Variants in ODAD3 observed in about 807,000 individuals in gnomAD.
ODAD3 encodes outer dynein arm-docking complex subunit 3.
ODAD3 carries 57 observed loss-of-function variants against 70.9 expected under a neutral mutation model. The ratio of observed to expected loss-of-function variants is 0.80; its 90% CI spans 0.65 to 1.00. The LOEUF (loss-of-function observed/expected upper bound fraction) is 1.00. ODAD3 is among the 50% of genes least tolerant of loss of function. The pLI is 0.00. For missense variants in ODAD3, 797 were observed against 763.9 expected, an observed-to-expected ratio of 1.04 and a Z score of -0.51; for synonymous variants, 327 against 315.9, an observed-to-expected ratio of 1.04 and a Z score of -0.37.
At chr19:11,425,486 TATA>T in intron 7 of ODAD3, among the ~76,000 whole-genome samples, 1 of 142,748 alleles carries the variant, frequency 7.0e-6, no homozygotes, top group Non-Finnish European at 1.5e-5. Flanking sequence ...TATGTGTGTA[TATA>T]TGTATATATG....
intron 3 of ODAD3, among the ~76,000 whole-genome samples, chr19:11,427,301 T>TA (rs1386124785): frequency 7.0e-6 from 1 of 141,952 alleles, no homozygotes; most frequent in Admixed American, 7.1e-5. Context: ...CTTTCTTTCG[T>TA]TTTTTTTTTT....
At chr19:11,431,198 G>A (rs559687665) in intron 1 of ODAD3, 178 bp from the exon 2 acceptor site, 13 of 705,494 alleles carry the variant, frequency 1.8e-5, no homozygotes, top group Admixed American at 1.5e-4. Context: ...CACAGCCTCC[G>A]CCTCCCGGGT....
At chr19:11,423,465 C>T (rs552181570) in intron 8 of ODAD3, among the ~76,000 whole-genome samples, 1 of 152,158 alleles carries the variant, frequency 6.6e-6, no homozygotes, top group African/African-American at 2.4e-5. Context: ...CAGTGAGGGA[C>T]CCGGCGCAGG....
intron 7 of ODAD3, among the ~76,000 whole-genome samples, chr19:11,424,680 T>C (rs1358016733): frequency 4.5e-4 from 30 of 66,554 alleles, no homozygotes; most frequent in Non-Finnish European, 4.4e-4. Context: ...TATGTGTATA[T>C]ATACCTATGT....
Position 11,430,720 on chromosome 19 carries a change from G to C in ODAD3, c.423C>G (p.Tyr141Ter). 3 of 1,614,048 alleles carry C rather than the reference G, an allele frequency of 1.9e-6. No homozygotes were observed. The highest frequency in any genetic ancestry group is 2.5e-6 in the Non-Finnish European group (3 of 1,180,008). Reference sequence around the variant, plus strand: ...AAACCTGTCCTGTCCTGTTCTTCAGGTATGGCTTCTCCCACTTCCATTCGC... The same window carrying C: ...AAACCTGTCCTGTCCTGTTCTTCAGCTATGGCTTCTCCCACTTCCATTCGC... ...VIREWKWEKP[Y>*]LKNRTGQALE... Residue 141 changes from tyrosine to a stop codon, truncating the protein, a stop_gained, in exon 3 of 13, where the codon TAC becomes TAG. Transcript: ENST00000356392. LOFTEE classifies it high-confidence loss of function.
At chr19:11,425,525 ATG>A (rs1225906720) in intron 7 of ODAD3, among the ~76,000 whole-genome samples, 4 of 144,532 alleles carry the variant, frequency 2.8e-5, no homozygotes, top group South Asian at 2.1e-4. Context: ...ATATGTATAT[ATG>A]TATATATGTG....
chr19:11,429,838 T>G (rs962189322), intron 3 of ODAD3, among the ~76,000 whole-genome samples: 3 of 124,446 alleles, frequency 2.4e-5, no homozygotes, highest in African/African-American at 1.1e-4. Context: ...GCGCCCAGCC[T>G]TTTTTTTTTT....
intron 7 of ODAD3, among the ~76,000 whole-genome samples, chr19:11,425,467 ATATGTATATATGTGTGTATATATGTAT>A (rs1969328091): frequency 7.1e-6 from 1 of 141,810 alleles, no homozygotes; most frequent in African/African-American, 2.7e-5. Flanking sequence ...GTGTGTGTAT[ATATGTATATATGTGTGTATATATGTAT>A]ATATGTATAT....
intron 12 of ODAD3, 36 bp from the exon 13 acceptor site, chr19:11,420,983 G>A (rs1171126883): frequency 6.2e-7 from 1 of 1,600,310 alleles, no homozygotes; most frequent in South Asian, 1.1e-5. Context: ...GGAGCGATGT[G>A]GGATCCAGGT....
intron 3 of ODAD3, among the ~76,000 whole-genome samples, chr19:11,430,124 T>C (rs554625115): frequency 6.6e-6 from 1 of 152,172 alleles, no homozygotes; most frequent in Non-Finnish European, 1.5e-5. Context: ...TGTTTTATTT[T>C]TTTTAATTAT....
Position 11,426,464 on chromosome 19 carries a change from A to G in ODAD3, c.822T>C (p.Asn274=). Residue 274 remains asparagine, a synonymous_variant, in exon 6 of 13, where the codon AAT becomes AAC. Coordinates refer to ENST00000356392, the MANE Select transcript of ODAD3 (RefSeq NM_145045.5). ...GTGGCACCTTGGCAATGTCCCGGGC[A>G]TTGAGGGCCTCTTGGTTCACCACGT... ...ALHVVNQEAL[N]ARDIAKNQLQ... is the part of the protein sequence containing the mutation. The G allele has an allele frequency of 6.2e-7, 1 of 1,614,038 alleles. No individual in the cohort carries two copies. Among genetic ancestry groups the G allele is most frequent in the Non-Finnish European group, 8.5e-7 (1 of 1,179,954 alleles).
At position 11,426,962 on chromosome 19, in the gene ODAD3, GC is replaced by G; in HGVS notation, c.522del (p.Gln175ArgfsTer44). On this transcript the variant is annotated frameshift_variant, in exon 4 of 13. Coordinates refer to ENST00000356392, the MANE Select transcript of ODAD3 (RefSeq NM_145045.5). LOFTEE classifies it high-confidence loss of function. ...QNALRHQVVL[R>X]QRRLEELQLQ... ...AGCTGGAGCTCCTCCAGCCGCCTCT[GC>G]CGCAACACCACCTGGTGCCGCAGGG... 1 of 1,608,776 alleles carries G rather than the reference GC, an allele frequency of 6.2e-7. No individual in the cohort carries two copies. The highest frequency in any genetic ancestry group is 8.5e-7 in the Non-Finnish European group (1 of 1,179,652).
At chr19:11,425,644 T>C (rs1260103085) in intron 7 of ODAD3, among the ~76,000 whole-genome samples, 2,128 of 132,018 alleles carry the variant, frequency 0.016, 246 homozygotes, top group African/African-American at 0.074. Flanking sequence ...TATATATATG[T>C]ATATACGTAT....
chr19:11,429,260 G>A (rs1360644478), intron 3 of ODAD3, among the ~76,000 whole-genome samples: 1 of 151,402 alleles, frequency 6.6e-6, no homozygotes, highest in East Asian at 1.9e-4. Flanking sequence ...ACCCAGGTTG[G>A]AGTGCAGTGG....
chr19:11,424,990 CATATGTGTATATGTATAT>C (rs1969253353), intron 7 of ODAD3, among the ~76,000 whole-genome samples: 2 of 98,080 alleles, frequency 2.0e-5, no homozygotes, highest in Admixed American at 2.0e-4. Flanking sequence ...TGTATATGTA[CATATGTGTATATGTATAT>C]ATGTGTATAT....
chr19:11,430,278 C>T (rs770979968), intron 3 of ODAD3, among the ~76,000 whole-genome samples: 40 of 152,220 alleles, frequency 2.6e-4, no homozygotes, highest in Non-Finnish European at 4.7e-4. Flanking sequence ...GCTGGGATTA[C>T]AGGCACGTGC....
At chr19:11,421,938 GC>G in intron 10 of ODAD3, 106 bp from the exon 11 acceptor site, 1 of 1,303,612 alleles carries the variant, frequency 7.7e-7, no homozygotes, top group Non-Finnish European at 1.0e-6. Flanking sequence ...GGAGGTAAGG[GC>G]CCACCTGCAG....
chr19:11,425,217 A>T (rs1015919050), intron 7 of ODAD3, among the ~76,000 whole-genome samples: 1 of 122,568 alleles, frequency 8.2e-6, no homozygotes, highest in African/African-American at 4.3e-5. Flanking sequence ...ACATATGTGT[A>T]TATATGTGTG....
chr19:11,425,624 T>TGCATATACGCATATAC (rs1157553526), intron 7 of ODAD3, among the ~76,000 whole-genome samples: 1 of 141,328 alleles, frequency 7.1e-6, no homozygotes, highest in African/African-American at 2.9e-5. Flanking sequence ...TATGCATATA[T>TGCATATACGCATATAC]GCATATATGT....
Sources: gnomAD v4.1 joint callset for allele counts (sites outside exome capture counted in the v4.1 genomes callset) on GRCh38, gnomAD v4.1.1 for gene constraint, MANE v1.5 for transcripts, NCBI Gene and HGNC (gene_info 2026-07-23, HGNC 2026-07-21) for gene names.